The following SUMO3 variants were observed in gnomAD, a reference collection of about 807,000 sequenced individuals.
The protein encoded by SUMO3 is small ubiquitin-related modifier 3.
Under a neutral mutation model 11.1 loss-of-function variants are expected in SUMO3, and 2 were observed. The ratio of observed to expected loss-of-function variants is 0.18; its 90% CI spans 0.07 to 0.57. SUMO3 has a LOEUF of 0.57. Among genes scored for constraint, SUMO3 ranks in the 20% least tolerant of loss-of-function variants. The pLI is 0.92. For missense variants in SUMO3, 70 were observed against 132.8 expected, an observed-to-expected ratio of 0.53 and a Z score of 2.32; for synonymous variants, 56 against 53.5, an observed-to-expected ratio of 1.05 and a Z score of -0.20.
In SUMO3 at chr21:44,806,192, G is replaced by A. The variant is rs945290690; in HGVS notation, c.*759C>T. ...GTGGGAATTTCTTCAATATTAAGAG[G>A]GAGAAAAAGGCCAATTTTGGTTGTG... On this transcript the variant is annotated 3_prime_UTR_variant, in exon 4 of 4. Coordinates refer to ENST00000332859, the MANE Select transcript of SUMO3 (RefSeq NM_006936.3). 1 of 151,940 alleles carries A rather than the reference G, an allele frequency of 6.6e-6. No individual in the cohort carries two copies. The highest frequency in any genetic ancestry group is 1.5e-5 in the Non-Finnish European group (1 of 67,988). 9.4% of individuals were successfully genotyped at this position (151,940 alleles called of 1,614,324 possible).
Position 44,807,840 on chromosome 21 carries a change from A to G in SUMO3, c.223-800T>C, listed in dbSNP as rs2146419266. On this transcript the variant is annotated intron_variant, in intron 3 of 3. Coordinates refer to ENST00000332859, the MANE Select transcript of SUMO3 (RefSeq NM_006936.3). This position sits in a 1 kb window ranked among gnomAD's most constrained non-coding sequence, Gnocchi z 4.3. ...ACAGCCAGCCCCCTGACCCCCAGTC[A>G]AGCCCCAGAGACTCCACGAGGCCCT... 6.6e-6 allele frequency among the ~76,000 whole-genome samples: 1 copy of G among 152,192 alleles called. No homozygotes were observed. Among genetic ancestry groups the G allele is most frequent in the Admixed American group, 6.5e-5 (1 of 15,296 alleles).
intron 3 of SUMO3, chr21:44,808,710 G>T: frequency 7.8e-7 from 1 of 1,288,696 alleles, no homozygotes; most frequent in Non-Finnish European, 1.0e-6. Flanking sequence ...CAAGAATCCA[G>T]CTGGCCCCTA....
intron 3 of SUMO3, chr21:44,808,329 G>A (rs557203970): frequency 1.8e-5 from 7 of 386,668 alleles, no homozygotes; most frequent in East Asian, 1.3e-4. Flanking sequence ...TGGCTAACAT[G>A]GTGAAACCCC....
chr21:44,814,244 G>A (rs1247953379), intron 1 of SUMO3, 140 bp from the exon 2 acceptor site: 6 of 1,142,332 alleles, frequency 5.3e-6, no homozygotes, highest in Non-Finnish European at 7.4e-6. Context: ...GCAATTCAGA[G>A]TCACTCGTGA....
intron 1 of SUMO3, 144 bp from the exon 2 acceptor site, chr21:44,814,248 C>T (rs2083230830): frequency 9.1e-7 from 1 of 1,103,844 alleles, no homozygotes; most frequent in Admixed American, 2.5e-5. Context: ...TTCAGAGTCA[C>T]TCGTGATGGT....
chr21:44,813,867 G>A (rs1388012712), intron 2 of SUMO3, 109 bp downstream of exon 2: 12 of 1,584,472 alleles, frequency 7.6e-6, no homozygotes, highest in Non-Finnish European at 8.5e-6. Flanking sequence ...GGCACCTCGG[G>A]CAGCTGCATC....
intron 2 of SUMO3, among the ~76,000 whole-genome samples, chr21:44,809,905 G>A (rs2083200522): frequency 6.6e-6 from 1 of 152,136 alleles, no homozygotes; most frequent in East Asian, 1.9e-4. Flanking sequence ...CATCTTTCCA[G>A]AAGCCGAGTA....
intron 3 of SUMO3, chr21:44,808,252 C>G (rs1024578670): frequency 3.6e-6 from 1 of 278,806 alleles, no homozygotes; most frequent in Non-Finnish European, 6.7e-6. Flanking sequence ...TTGGCTCATG[C>G]CTTTAATCCC....
At position 44,813,639 on chromosome 21, in the gene SUMO3, C is replaced by T. The variant is rs1030776723; in HGVS notation, c.150+337G>A. 7.9e-5 allele frequency: 51 copies of T among 643,900 alleles called. No individual in the cohort carries two copies. The African/African-American group carries it at 9.1e-4, about 12-fold the overall frequency. 39.9% of individuals were successfully genotyped at this position (643,900 alleles called of 1,614,324 possible). A position where few individuals can be genotyped will look rare whatever the true frequency, so the allele number is the denominator to read the frequency against. ...ACCTGCAGCCCCAGAATGGCCAGAC[C>T]TGAGCAGGGCCCCCAAGAGCCTTCA... On this transcript the variant is annotated intron_variant, in intron 2 of 3. Coordinates refer to ENST00000332859, the MANE Select transcript of SUMO3 (RefSeq NM_006936.3).
intron 1 of SUMO3, among the ~76,000 whole-genome samples, chr21:44,817,193 CG>C (rs568054362): frequency 1.2e-4 from 1 of 8,262 alleles, no homozygotes; most frequent in African/African-American, 7.0e-4. Flanking sequence ...GGGCGTACAC[CG>C]GGGGGCGCGA....
chr21:44,813,832 C>T (rs1487331937), intron 2 of SUMO3, 144 bp downstream of exon 2: 1 of 1,540,542 alleles, frequency 6.5e-7, no homozygotes, highest in Non-Finnish European at 8.7e-7. Flanking sequence ...ACAGCACAAG[C>T]CCCCGCCTGC....
At chr21:44,814,805 G>A (rs903819630) in intron 1 of SUMO3, among the ~76,000 whole-genome samples, 3 of 152,194 alleles carry the variant, frequency 2.0e-5, no homozygotes, top group African/African-American at 7.2e-5. Context: ...CTATCTGAGC[G>A]GCAGTAGGTG....
intron 3 of SUMO3, 69 bp downstream of exon 3, chr21:44,808,978 T>C (rs982177189): frequency 1.3e-5 from 17 of 1,290,162 alleles, no homozygotes; most frequent in Non-Finnish European, 1.9e-5. Flanking sequence ...CAAATAAGCG[T>C]ATCCCAAATG....
At chr21:44,808,698 C>A in intron 3 of SUMO3, 1 of 1,317,454 alleles carries the variant, frequency 7.6e-7, no homozygotes, top group Non-Finnish European at 9.9e-7. Context: ...GCTTAAAGGG[C>A]ACAAGAATCC....
At chr21:44,815,088 C>A (rs1415577634) in intron 1 of SUMO3, among the ~76,000 whole-genome samples, 2 of 152,232 alleles carry the variant, frequency 1.3e-5, no homozygotes, top group Non-Finnish European at 2.9e-5. Context: ...TCCTGGTACC[C>A]TTTCACCCCA....
intron 1 of SUMO3, among the ~76,000 whole-genome samples, chr21:44,816,855 C>T (rs1157078293): frequency 7.5e-6 from 1 of 134,212 alleles, no homozygotes; most frequent in African/African-American, 2.9e-5. Context: ...TGGGCGCACA[C>T]CGTGGGGCGT....
intron 3 of SUMO3, chr21:44,808,536 G>T: frequency 1.4e-6 from 2 of 1,411,732 alleles, no homozygotes; most frequent in Non-Finnish European, 9.3e-7. Context: ...TCTGTTTCCA[G>T]GTCCAAAGCT....
At chr21:44,817,378 T>C (rs2083252353) in intron 1 of SUMO3, among the ~76,000 whole-genome samples, 3 of 151,474 alleles carry the variant, frequency 2.0e-5, no homozygotes, top group Admixed American at 2.0e-4. Context: ...AGTGGGTGAA[T>C]ACCGGGGTCG....
rs1227268424 is a variant in SUMO3, at chr21:44,811,276, A to C, written c.151-2158T>G. On this transcript the variant is annotated intron_variant, in intron 2 of 3. Coordinates refer to ENST00000332859, the MANE Select transcript of SUMO3 (RefSeq NM_006936.3). This position sits in a 1 kb window ranked among gnomAD's most constrained non-coding sequence, Gnocchi z 5.0. ...AAAAATACTACTACCTTCAGAAAACAATCAATTGCTACTGAGGATGGGTGC... is the reference window on the plus strand; with the variant it reads ...AAAAATACTACTACCTTCAGAAAACCATCAATTGCTACTGAGGATGGGTGC... Among the ~76,000 whole-genome samples the C allele has an allele frequency of 6.6e-6, 1 of 152,070 alleles. No individual in the cohort carries two copies. The highest frequency in any genetic ancestry group is 1.5e-5 in the Non-Finnish European group (1 of 68,030).
Sources: gnomAD v4.1 joint callset for allele counts (sites outside exome capture counted in the v4.1 genomes callset) on GRCh38, gnomAD v4.1.1 for gene constraint, Gnocchi (gnomAD v3.1) non-coding constraint, MANE v1.5 for transcripts, NCBI Gene and HGNC (gene_info 2026-07-23, HGNC 2026-07-21) for gene names.